PDE10A: variants seen among roughly 807,000 people sequenced by gnomAD.
The protein encoded by PDE10A is cAMP and cAMP-inhibited cGMP 3',5'-cyclic phosphodiesterase 10A.
In PDE10A, 39 loss-of-function variants were observed where a neutral mutation model predicts 97.7. The observed-to-expected ratio is 0.40, with a 90% CI of 0.31 to 0.52. PDE10A has a LOEUF of 0.52. Among genes scored for constraint, PDE10A ranks in the 20% least tolerant of loss-of-function variants. The pLI, the probability that PDE10A is intolerant of heterozygous loss-of-function variation, is 0.56. For synonymous variants in PDE10A, 371 were observed against 376.8 expected, an observed-to-expected ratio of 0.98 and a Z score of 0.18; for missense variants, 731 against 1,047.8, an observed-to-expected ratio of 0.70 and a Z score of 4.17.
intron 19 of PDE10A, among the ~76,000 whole-genome samples, chr6:165,340,971 C>T (rs978468083): frequency 2.6e-5 from 4 of 152,152 alleles, no homozygotes; most frequent in East Asian, 1.9e-4. Context: ...AGTGCCAAAG[C>T]GGAATTTTAA....
chr6:165,409,980 C>A (rs1001128877), intron 13 of PDE10A, among the ~76,000 whole-genome samples: 1 of 150,338 alleles, frequency 6.7e-6, no homozygotes, highest in Non-Finnish European at 1.5e-5. Context: ...TTTGAACCTG[C>A]TAGTCTAGTT....
At chr6:165,880,313 C>T (rs1216883725) in intron 1 of PDE10A, among the ~76,000 whole-genome samples, 2 of 152,136 alleles carry the variant, frequency 1.3e-5, no homozygotes, top group African/African-American at 4.8e-5. Context: ...ATAAGTATTG[C>T]CATGGTATAA....
chr6:165,762,239 G>T lies in PDE10A; in HGVS notation c.-614-218671C>A, dbSNP rs546920243. Among the ~76,000 whole-genome samples the T allele has an allele frequency of 2.0e-5, 3 of 152,280 alleles. No individual in the cohort carries two copies. In the East Asian group the frequency reaches 5.8e-4, roughly 29 times the overall value. ...CATTTCTTCCCTGCTGTGTAAACCCGATTTTAGTTGGTCAGGGAGATGTAT... is the reference window on the plus strand; with the variant it reads ...CATTTCTTCCCTGCTGTGTAAACCCTATTTTAGTTGGTCAGGGAGATGTAT... On this transcript the variant is annotated intron_variant, in intron 1 of 19. Coordinates refer to the PDE10A transcript ENST00000366882.
chr6:165,434,760 C>T (rs1490461273), intron 6 of PDE10A, among the ~76,000 whole-genome samples: 3 of 152,188 alleles, frequency 2.0e-5, no homozygotes, highest in Admixed American at 6.5e-5. Context: ...CAGCACCTAA[C>T]TCATGGCCAG....
At chr6:165,666,625 A>T (rs566536184), upstream of PDE10A, among the ~76,000 whole-genome samples, 17 of 152,238 alleles carry the variant, frequency 1.1e-4, no homozygotes, top group African/African-American at 4.1e-4. Flanking sequence ...TTCAGCTTCC[A>T]GGCATTTATT....
chr6:165,636,759 C>A (rs1788898962), intron 1 of PDE10A, among the ~76,000 whole-genome samples: 1 of 152,188 alleles, frequency 6.6e-6, no homozygotes, highest in African/African-American at 2.4e-5. Context: ...AGAAATGAGG[C>A]TCCTTTTGAT....
chr6:165,433,811 C>A (rs1466584604), intron 6 of PDE10A, among the ~76,000 whole-genome samples: 1 of 151,806 alleles, frequency 6.6e-6, no homozygotes, highest in Non-Finnish European at 1.5e-5. Flanking sequence ...GTCAGGAGAT[C>A]GAGACCATCC....
intron 1 of PDE10A, among the ~76,000 whole-genome samples, chr6:165,659,896 AC>A (rs1407205663): frequency 2.0e-5 from 3 of 152,166 alleles, no homozygotes; most frequent in African/African-American, 7.2e-5. Flanking sequence ...CCCTGAACAC[AC>A]GAGCCAACAG....
chr6:165,626,385 T>C (rs983767036), intron 1 of PDE10A, among the ~76,000 whole-genome samples: 2 of 152,206 alleles, frequency 1.3e-5, no homozygotes, highest in African/African-American at 2.4e-5. Flanking sequence ...TGCAGATTAT[T>C]GATGTTAACT....
chr6:165,901,722 A>G (rs1195123209), intron 1 of PDE10A, among the ~76,000 whole-genome samples: 1 of 152,122 alleles, frequency 6.6e-6, no homozygotes, highest in Non-Finnish European at 1.5e-5. Context: ...GAATCACTTG[A>G]ACTTGGGAGG....
At chr6:165,657,279 C>T (rs1470506825) in intron 1 of PDE10A, among the ~76,000 whole-genome samples, 1 of 152,202 alleles carries the variant, frequency 6.6e-6, no homozygotes, top group Non-Finnish European at 1.5e-5. Flanking sequence ...GATTTCCTTG[C>T]AAGATTATGA....
chr6:165,520,891 GC>G lies in PDE10A; in HGVS notation c.994+22548del, dbSNP rs1056630994. Among the ~76,000 whole-genome samples, 6 of 152,126 alleles carry G rather than the reference GC, an allele frequency of 3.9e-5. No homozygotes were observed. The South Asian group carries it at 6.2e-4, about 16-fold the overall frequency. On this transcript the variant is annotated intron_variant, in intron 2 of 21. Coordinates refer to ENST00000539869, the MANE Select transcript of PDE10A (RefSeq NM_001385079.1). Reference sequence around the variant, plus strand: ...TTCTCTAAAACCTCCCACTGTAGAAGCCCCCTTCAGGCTCTGGGAAGAGCCC... The same window carrying G: ...TTCTCTAAAACCTCCCACTGTAGAAGCCCCTTCAGGCTCTGGGAAGAGCCC...
intron 1 of PDE10A, among the ~76,000 whole-genome samples, chr6:165,852,958 T>C (rs1303406533): frequency 6.6e-6 from 1 of 152,254 alleles, no homozygotes; most frequent in Non-Finnish European, 1.5e-5. Flanking sequence ...ATTTGTGACT[T>C]CATCAAATAC....
intron 17 of PDE10A, among the ~76,000 whole-genome samples, chr6:165,383,513 C>T (rs1029859930): frequency 2.0e-5 from 3 of 152,116 alleles, no homozygotes; most frequent in Non-Finnish European, 4.4e-5. Context: ...CTCTGCCCCA[C>T]CGGACACAGC....
intron 1 of PDE10A, among the ~76,000 whole-genome samples, chr6:165,917,801 A>G (rs575902649): frequency 4.1e-4 from 62 of 152,204 alleles, no homozygotes; most frequent in African/African-American, 1.3e-3. Flanking sequence ...CTTAGGCGCC[A>G]TCTCCTCTTC....
intron 1 of PDE10A, among the ~76,000 whole-genome samples, chr6:165,545,611 G>A (rs998657947): frequency 3.9e-5 from 6 of 151,904 alleles, no homozygotes; most frequent in African/African-American, 1.2e-4. Flanking sequence ...TGAAAAATGG[G>A]CCAAAGGCCA....
chr6:165,702,219 A>G (rs575608362), intron 1 of PDE10A, among the ~76,000 whole-genome samples: 13 of 152,360 alleles, frequency 8.5e-5, no homozygotes, highest in African/African-American at 3.1e-4. Context: ...AAGAACTACA[A>G]AAGAAAACCA....
intron 1 of PDE10A, among the ~76,000 whole-genome samples, chr6:165,830,162 T>C (rs1779870900): frequency 6.6e-6 from 1 of 152,178 alleles, no homozygotes; most frequent in Admixed American, 6.5e-5. Flanking sequence ...CAAAACTTAT[T>C]GACAAGCTAC....
chr6:165,490,159 C>T (rs959096213), intron 2 of PDE10A, among the ~76,000 whole-genome samples: 8 of 152,160 alleles, frequency 5.3e-5, no homozygotes, highest in African/African-American at 1.4e-4. Flanking sequence ...TATCTACAGT[C>T]AAGATGAAGG....
Sources: allele counts gnomAD v4.1 joint callset (sites outside exome capture counted in the v4.1 genomes callset), GRCh38; gene constraint gnomAD v4.1.1; transcripts MANE v1.5; gene names NCBI Gene and HGNC (gene_info 2026-07-23, HGNC 2026-07-21).